WDR41: variants seen among roughly 807,000 people sequenced by gnomAD.
WDR41 encodes WD repeat-containing protein 41.
Under a neutral mutation model 69.3 loss-of-function variants are expected in WDR41, and 63 were observed. The ratio of observed to expected loss-of-function variants is 0.91; its 90% confidence interval spans 0.74 to 1.12. The LOEUF (loss-of-function observed/expected upper bound fraction) is 1.12. WDR41 is among the 50% of genes most tolerant of loss of function. WDR41 has a pLI of 0.00. For synonymous variants in WDR41, 185 were observed against 192.1 expected, an observed-to-expected ratio of 0.96 and a Z score of 0.31; for missense variants, 543 against 534.5, an observed-to-expected ratio of 1.02 and a Z score of -0.16.
chr5:77,493,147 G>A (rs1801878835), upstream of WDR41, among the ~76,000 whole-genome samples: 1 of 152,146 alleles, frequency 6.6e-6, no homozygotes, highest in Non-Finnish European at 1.5e-5. Context: ...TAATCTTTGT[G>A]GTTGGGACGT....
At chr5:77,441,477 C>A (rs190698757) in intron 8 of WDR41, among the ~76,000 whole-genome samples, 40 of 152,014 alleles carry the variant, frequency 2.6e-4, no homozygotes, top group African/African-American at 9.4e-4. Flanking sequence ...AAGGACCGGG[C>A]GAGGTAATCC....
intron 1 of WDR41, among the ~76,000 whole-genome samples, chr5:77,561,655 T>C (rs746391459): frequency 5.3e-5 from 8 of 152,172 alleles, no homozygotes; most frequent in Non-Finnish European, 1.2e-4. Flanking sequence ...CTATTTAATA[T>C]AGATGCTAAT....
chr5:77,536,092 T>C (rs1177789539), intron 1 of WDR41, among the ~76,000 whole-genome samples: 2 of 152,148 alleles, frequency 1.3e-5, no homozygotes, highest in Non-Finnish European at 2.9e-5. Context: ...TGCTACCCTG[T>C]TTTCTTGGCT....
chr5:77,482,436 A>AT (rs138934150), intron 2 of WDR41, among the ~76,000 whole-genome samples: 360 of 151,904 alleles, frequency 2.4e-3, no homozygotes, highest in African/African-American at 8.3e-3. Context: ...TATTCTAATG[A>AT]TTTTTTTCTC....
At chr5:77,542,420 T>A (rs1253953128) in intron 1 of WDR41, among the ~76,000 whole-genome samples, 1 of 152,042 alleles carries the variant, frequency 6.6e-6, no homozygotes, top group East Asian at 1.9e-4. Context: ...TGCATGTGTA[T>A]CCCTGAACTT....
chr5:77,491,463 G>C (rs1005010461), intron 1 of WDR41, among the ~76,000 whole-genome samples: 3 of 152,056 alleles, frequency 2.0e-5, no homozygotes, highest in Non-Finnish European at 4.4e-5. Flanking sequence ...GTTCTTGTGT[G>C]GCATACGAAA....
chr5:77,527,507 G>A (rs1458912683), intron 1 of WDR41, among the ~76,000 whole-genome samples: 1 of 151,788 alleles, frequency 6.6e-6, no homozygotes, highest in Non-Finnish European at 1.5e-5. Context: ...AATGTTACAG[G>A]ACTAGAGGTA....
chr5:77,515,459 G>A (rs147100494), intron 1 of WDR41, among the ~76,000 whole-genome samples: 2,781 of 152,248 alleles, frequency 0.018, 62 homozygotes, highest in African/African-American at 0.055. Context: ...TCTCCTGAAG[G>A]ATCAGCCTGA....
At chr5:77,521,837 T>C (rs913475184) in intron 1 of WDR41, among the ~76,000 whole-genome samples, 3 of 152,204 alleles carry the variant, frequency 2.0e-5, no homozygotes, top group African/African-American at 7.2e-5. Context: ...TGTACACCAC[T>C]ATCTTTATAA....
intron 1 of WDR41, chr5:77,545,799 G>T: frequency 9.8e-7 from 1 of 1,023,004 alleles, no homozygotes; most frequent in Admixed American, 2.3e-5. Context: ...CGGTCTGGGT[G>T]TTAAGTGCTC....
At chr5:77,543,765 T>G (rs1343006810) in intron 1 of WDR41, among the ~76,000 whole-genome samples, 2 of 152,102 alleles carry the variant, frequency 1.3e-5, no homozygotes, top group Non-Finnish European at 2.9e-5. Flanking sequence ...TTCCTTGCCT[T>G]GCTAGATACC....
chr5:77,619,134 G>A (rs866911966), intron 1 of WDR41, among the ~76,000 whole-genome samples: 8 of 152,022 alleles, frequency 5.3e-5, no homozygotes, highest in African/African-American at 1.2e-4. Context: ...ATTGTTTCAC[G>A]GTGATTACAT....
chr5:77,573,199 A>C (rs537768044), intron 1 of WDR41, among the ~76,000 whole-genome samples: 6 of 152,252 alleles, frequency 3.9e-5, no homozygotes, highest in African/African-American at 1.2e-4. Flanking sequence ...TTAAGAGACA[A>C]AACTAGGCAC....
chr5:77,433,506 T>G (rs1292260955), intron 12 of WDR41, among the ~76,000 whole-genome samples: 3 of 152,240 alleles, frequency 2.0e-5, no homozygotes, highest in African/African-American at 7.2e-5. Flanking sequence ...AGAATAGCTA[T>G]TTTTGTAAAG....
intron 1 of WDR41, among the ~76,000 whole-genome samples, chr5:77,592,657 A>G (rs1216109923): frequency 6.6e-6 from 1 of 152,172 alleles, no homozygotes; most frequent in Non-Finnish European, 1.5e-5. Flanking sequence ...TTCAGTTTGG[A>G]AAAGAGGAAA....
intron 2 of WDR41, among the ~76,000 whole-genome samples, chr5:77,488,455 A>AT (rs1218896223): frequency 8.2e-6 from 1 of 121,330 alleles, no homozygotes; most frequent in East Asian, 2.3e-4. Context: ...ATTAAATTAA[A>AT]TTAAAAAAAA....
intron 1 of WDR41, among the ~76,000 whole-genome samples, chr5:77,607,062 A>G (rs182390414): frequency 5.1e-4 from 78 of 152,264 alleles, no homozygotes; most frequent in Non-Finnish European, 7.8e-4. Flanking sequence ...ACCAAGCAGT[A>G]GTACACATGG....
chr5:77,609,932 C>A (rs1447041850), intron 1 of WDR41, among the ~76,000 whole-genome samples: 17 of 148,280 alleles, frequency 1.1e-4, no homozygotes, highest in East Asian at 8.3e-4. Context: ...GAATGTATAA[C>A]TAGAATAACC....
intron 2 of WDR41, among the ~76,000 whole-genome samples, chr5:77,474,239 A>C (rs889926203): frequency 1.3e-5 from 2 of 152,068 alleles, no homozygotes; most frequent in Admixed American, 1.3e-4. Context: ...GAACAATGAG[A>C]ACACATGGAC....
Sources: gnomAD v4.1 joint callset for allele counts (sites outside exome capture counted in the v4.1 genomes callset) on GRCh38, gnomAD v4.1.1 for gene constraint, MANE v1.5 for transcripts, NCBI Gene and HGNC (gene_info 2026-07-23, HGNC 2026-07-21) for gene names.